AP3B1: variants seen among roughly 807,000 people sequenced by gnomAD.
AP3B1 encodes the protein adaptor related protein complex 3 subunit beta 1.
AP3B1 carries 61 observed loss-of-function variants against 132.5 expected under a neutral mutation model. That is an observed-to-expected ratio of 0.46 (90% CI 0.37 to 0.57). The LOEUF is 0.57. Ranked by LOEUF, AP3B1 falls within the 20% of genes least tolerant of loss-of-function variation. AP3B1 has a pLI of 0.00. For synonymous variants in AP3B1, 388 were observed against 438.3 expected (o/e 0.89, Z 1.43); for missense variants, 1,120 against 1,289.4 (o/e 0.87, Z 2.01).
intron 1 of AP3B1, among the ~76,000 whole-genome samples, chr5:78,288,571 T>G (rs1439132728): frequency 6.6e-6 from 1 of 152,230 alleles, no homozygotes; most frequent in Non-Finnish European, 1.5e-5. Context: ...ACAATGGAGA[T>G]ACCAGATGAG....
chr5:78,168,226 CTTTTTTT>C (rs111663014), intron 11 of AP3B1, among the ~76,000 whole-genome samples: 6,161 of 128,032 alleles, frequency 0.048, 187 homozygotes, highest in East Asian at 0.14. Context: ...TTTCTTTTTT[CTTTTTTT>C]TTTTTTTTGA....
chr5:78,109,456 G>T (rs1028656586), intron 20 of AP3B1, among the ~76,000 whole-genome samples: 2 of 151,976 alleles, frequency 1.3e-5, no homozygotes, highest in South Asian at 4.2e-4. Flanking sequence ...GGCAGAGTTT[G>T]GCCATATTTT....
chr5:78,071,173 G>A (rs1235008336), intron 22 of AP3B1, among the ~76,000 whole-genome samples: 2 of 152,168 alleles, frequency 1.3e-5, no homozygotes, highest in African/African-American at 4.8e-5. Context: ...GCCCATCTAT[G>A]ATAGACTGGA....
In AP3B1 at chr5:78,294,520, C is replaced by T. The variant is rs759169009; in HGVS notation, c.60G>A (p.Leu20=). ...EQSGGGEATE[L]GQEATSTISP... ...AAATGGTTGAGGTCGCCTCCTGACC[C>T]AGCTCCGTCGCCTCCCCTCCTCCGG... The change falls in exon 1 of 27, where the codon CTG becomes CTA. Residue 20 remains leucine, a synonymous_variant. Transcript: ENST00000255194. The T allele has an allele frequency of 6.2e-7, 1 of 1,614,246 alleles. No homozygotes were observed. The highest frequency in any genetic ancestry group is 1.7e-5 in the Admixed American group (1 of 60,038).
At chr5:78,245,820 G>A (rs994017952) in intron 2 of AP3B1, among the ~76,000 whole-genome samples, 1 of 152,164 alleles carries the variant, frequency 6.6e-6, no homozygotes, top group Non-Finnish European at 1.5e-5. Context: ...GTTCATAGGT[G>A]GAAAGCATAG....
At chr5:78,071,118 T>C (rs191933196) in intron 22 of AP3B1, among the ~76,000 whole-genome samples, 29 of 152,342 alleles carry the variant, frequency 1.9e-4, no homozygotes, top group Non-Finnish European at 1.2e-4. Context: ...CATATGTTCA[T>C]TGCAGCACTA....
At chr5:78,214,103 G>A (rs549580217) in intron 7 of AP3B1, among the ~76,000 whole-genome samples, 11 of 152,238 alleles carry the variant, frequency 7.2e-5, no homozygotes, top group African/African-American at 1.2e-4. Context: ...ACAGCATTTC[G>A]AATAATTCCA....
intron 1 of AP3B1, among the ~76,000 whole-genome samples, chr5:78,268,329 G>T (rs1748412663): frequency 6.6e-6 from 1 of 151,872 alleles, no homozygotes; most frequent in Non-Finnish European, 1.5e-5. Flanking sequence ...TTTACTTAAT[G>T]ACTATGTATA....
At chr5:78,163,323 A>G (rs746015203) in intron 12 of AP3B1, among the ~76,000 whole-genome samples, 1 of 152,066 alleles carries the variant, frequency 6.6e-6, no homozygotes, top group Non-Finnish European at 1.5e-5. Context: ...GCATCTGTGA[A>G]TCTATGAAAA....
intron 26 of AP3B1, among the ~76,000 whole-genome samples, chr5:78,012,756 A>T (rs1265563634): frequency 6.6e-6 from 1 of 152,248 alleles, no homozygotes; most frequent in Non-Finnish European, 1.5e-5. Context: ...TATGAGGACC[A>T]CGAACATTAA....
At chr5:78,249,263 A>G (rs562951998) in intron 2 of AP3B1, among the ~76,000 whole-genome samples, 8 of 152,262 alleles carry the variant, frequency 5.3e-5, no homozygotes, top group African/African-American at 1.9e-4. Context: ...GCTACTCAGG[A>G]GACTGAAGCA....
chr5:78,171,193 C>G (rs1743899049), intron 11 of AP3B1, among the ~76,000 whole-genome samples: 1 of 152,214 alleles, frequency 6.6e-6, no homozygotes, highest in Non-Finnish European at 1.5e-5. Context: ...GTTCTTTTTG[C>G]TTAGGATTGT....
intron 21 of AP3B1, among the ~76,000 whole-genome samples, chr5:78,094,873 G>A (rs939775699): frequency 1.3e-5 from 2 of 151,988 alleles, no homozygotes; most frequent in Non-Finnish European, 2.9e-5. Context: ...TAGAGACAGG[G>A]TTTCACCATG....
intron 2 of AP3B1, among the ~76,000 whole-genome samples, chr5:78,247,148 CTG>C (rs1382214134): frequency 3.3e-5 from 5 of 151,362 alleles, no homozygotes; most frequent in African/African-American, 9.7e-5. Flanking sequence ...CTTCCAATGA[CTG>C]TGTTTAGTTT....
intron 26 of AP3B1, among the ~76,000 whole-genome samples, chr5:78,007,880 C>A (rs1746463832): frequency 1.3e-5 from 2 of 152,076 alleles, no homozygotes; most frequent in African/African-American, 4.8e-5. Flanking sequence ...AGAATTTACA[C>A]AAAGCAATGT....
Position 78,088,472 on chromosome 5 carries a change from G to A in AP3B1, c.2577+921C>T, listed in dbSNP as rs75611954. Among the ~76,000 whole-genome samples the A allele has an allele frequency of 7.0e-3, 1,061 of 152,174 alleles. 11 individuals are homozygous for A. The highest frequency in any genetic ancestry group is 0.024 in the African/African-American group (1,017 of 41,530). ...TTTTAGTATTTCATTGCATAGCCCT[G>A]ATAGCATATTTGCTTTAAAGGAGGA... On this transcript the variant is annotated intron_variant, in intron 22 of 26. Coordinates refer to ENST00000255194, the MANE Select transcript of AP3B1 (RefSeq NM_003664.5).
intron 22 of AP3B1, among the ~76,000 whole-genome samples, chr5:78,051,463 T>C (rs1748582485): frequency 6.6e-6 from 1 of 152,186 alleles, no homozygotes. Context: ...AAAACTTCTT[T>C]TGAACATAGC....
At chr5:78,210,185 T>C (rs1388423574) in intron 7 of AP3B1, among the ~76,000 whole-genome samples, 1 of 152,134 alleles carries the variant, frequency 6.6e-6, no homozygotes, top group Non-Finnish European at 1.5e-5. Flanking sequence ...CTATAGTCCA[T>C]TGGTAAGACA....
intron 14 of AP3B1, among the ~76,000 whole-genome samples, chr5:78,143,821 C>T (rs1418983947): frequency 2.0e-5 from 3 of 152,052 alleles, no homozygotes; most frequent in African/African-American, 7.2e-5. Flanking sequence ...TGAGACCAGC[C>T]TGGCCAACAT....
Sources: allele counts gnomAD v4.1 joint callset (sites outside exome capture counted in the v4.1 genomes callset), GRCh38; gene constraint gnomAD v4.1.1; transcripts MANE v1.5; gene names NCBI Gene and HGNC (gene_info 2026-07-23, HGNC 2026-07-21).